FGGY: variants seen among roughly 807,000 people sequenced by gnomAD.
FGGY encodes the protein FGGY carbohydrate kinase domain-containing protein.
A neutral mutation model predicts 71.3 loss-of-function variants in FGGY; 72 were observed. The ratio of observed to expected loss-of-function variants is 1.01; its 90% confidence interval spans 0.84 to 1.23. FGGY has a LOEUF of 1.23. Among genes scored for constraint, FGGY ranks in the 50% most tolerant of loss-of-function variants. The probability of loss-of-function intolerance (pLI) is 0.00; values close to 1 mark genes in which losing one functional copy is unlikely to be tolerated. For synonymous variants in FGGY, 251 were observed against 250.3 expected (o/e 1.00, Z -0.02); for missense variants, 668 against 682.3 (o/e 0.98, Z 0.23).
chr1:59,533,187 T>A (rs897908025), intron 7 of FGGY, among the ~76,000 whole-genome samples: 1 of 152,226 alleles, frequency 6.6e-6, no homozygotes, highest in Non-Finnish European at 1.5e-5. Flanking sequence ...AGGCATTGCC[T>A]CACTCGGGAA....
chr1:59,411,505 T>C (rs1458215701), intron 5 of FGGY, among the ~76,000 whole-genome samples: 1 of 152,252 alleles, frequency 6.6e-6, no homozygotes, highest in Non-Finnish European at 1.5e-5. Flanking sequence ...ATGCTTCTTA[T>C]ACCTTTGTCC....
intron 7 of FGGY, among the ~76,000 whole-genome samples, chr1:59,520,945 G>T (rs991581249): frequency 1.3e-5 from 2 of 150,094 alleles, no homozygotes; most frequent in African/African-American, 2.4e-5. Context: ...CAGGCCAGGC[G>T]CTGGCCAAAA....
chr1:59,466,967 A>G (rs1208910503), intron 6 of FGGY, among the ~76,000 whole-genome samples: 2 of 152,194 alleles, frequency 1.3e-5, no homozygotes, highest in Non-Finnish European at 2.9e-5. Context: ...ATCCAGAACT[A>G]GAAATACCAT....
intron 5 of FGGY, among the ~76,000 whole-genome samples, chr1:59,432,389 G>T (rs2067561725): frequency 6.6e-6 from 1 of 152,206 alleles, no homozygotes; most frequent in Admixed American, 6.5e-5. Context: ...TCAGTCAGAA[G>T]TATGGAAGGC....
chr1:59,349,314 A>G (rs2052766919), intron 4 of FGGY, among the ~76,000 whole-genome samples: 2 of 152,170 alleles, frequency 1.3e-5, no homozygotes, highest in South Asian at 4.1e-4. Flanking sequence ...TGCTATATCA[A>G]CAAGTTTGGA....
At chr1:59,461,914 G>A (rs1042928955) in intron 6 of FGGY, among the ~76,000 whole-genome samples, 7 of 151,832 alleles carry the variant, frequency 4.6e-5, no homozygotes, top group Non-Finnish European at 1.0e-4. Flanking sequence ...CCATGCTGGT[G>A]TGCTGCACCC....
intron 6 of FGGY, among the ~76,000 whole-genome samples, chr1:59,473,609 A>G (rs1428779954): frequency 6.6e-6 from 1 of 152,314 alleles, no homozygotes; most frequent in East Asian, 1.9e-4. Context: ...TGGCCAGAGC[A>G]TAGTGGACCT....
At chr1:59,609,117 T>C (rs1298514873) in intron 9 of FGGY, among the ~76,000 whole-genome samples, 1 of 152,168 alleles carries the variant, frequency 6.6e-6, no homozygotes, top group Non-Finnish European at 1.5e-5. Context: ...GATAGTCTAC[T>C]TGGTAGGAAA....
chr1:59,506,296 T>C (rs1208240346), intron 6 of FGGY, among the ~76,000 whole-genome samples: 1 of 151,774 alleles, frequency 6.6e-6, no homozygotes, highest in African/African-American at 2.4e-5. Flanking sequence ...AATTCTAGGG[T>C]TTTTCTGGAA....
Position 59,346,289 on chromosome 1 carries a change from C to A in FGGY, c.356C>A (p.Ala119Glu). Residue 119 changes from alanine to glutamate, a missense_variant, in exon 4 of 16, where the codon GCA becomes GAA. Physicochemically the swap from Ala to Glu is moderately radical, Grantham distance 107. Transcript: ENST00000303721. ...GTCATCATGTGGCTGGACCATCGAG[C>A]AGTCAGTCAAGTTAACAGGATCAAT... ...RNVIMWLDHR[A>E]VSQVNRINET... The A allele has an allele frequency of 1.9e-6, 3 of 1,612,700 alleles. No individual in the cohort carries two copies. Among genetic ancestry groups the A allele is most frequent in the Non-Finnish European group, 2.5e-6 (3 of 1,179,740 alleles).
Position 59,345,659 on chromosome 1 carries a change from C to A in FGGY, c.314-588C>A, listed in dbSNP as rs186648350. Among the ~76,000 whole-genome samples the A allele has an allele frequency of 2.4e-3, 371 of 151,942 alleles. 3 individuals carry two copies. Among genetic ancestry groups the A allele is most frequent in the African/African-American group, 8.6e-3 (356 of 41,428 alleles). On this transcript the variant is annotated intron_variant, in intron 3 of 15. Coordinates refer to ENST00000303721, the MANE Select transcript of FGGY (RefSeq NM_018291.5). ...CTGTAACTAGCATTCCCTGTTAGAT[C>A]TGCCTAATTCCAAAACCCATGAGCT...
At chr1:59,708,922 A>G (rs72666298) in intron 14 of FGGY, among the ~76,000 whole-genome samples, 16,587 of 152,274 alleles carry the variant, frequency 0.11, 1,314 homozygotes, top group Admixed American at 0.23. Flanking sequence ...TTTAATACAA[A>G]CATTCAAAAA....
intron 15 of FGGY, among the ~76,000 whole-genome samples, chr1:59,759,554 CAG>C (rs1359186572): frequency 1.3e-5 from 2 of 152,218 alleles, no homozygotes; most frequent in South Asian, 2.1e-4. Flanking sequence ...CCCACGTGTT[CAG>C]AGAGTCCTCC....
At chr1:59,447,380 T>C (rs574590685) in intron 5 of FGGY, among the ~76,000 whole-genome samples, 1 of 152,250 alleles carries the variant, frequency 6.6e-6, no homozygotes, top group East Asian at 1.9e-4. Flanking sequence ...CAGCCAAAGC[T>C]CTGGGAGCTG....
intron 1 of FGGY, among the ~76,000 whole-genome samples, chr1:59,299,685 A>G (rs1196831135): frequency 8.7e-6 from 1 of 115,598 alleles, no homozygotes; most frequent in Non-Finnish European, 1.6e-5. Flanking sequence ...GTGAGCGCAC[A>G]CCTGGACAAG....
At chr1:59,421,110 G>C (rs1282522540) in intron 5 of FGGY, among the ~76,000 whole-genome samples, 1 of 152,180 alleles carries the variant, frequency 6.6e-6, no homozygotes, top group East Asian at 1.9e-4. Context: ...AGGTGGACCA[G>C]TTTCTTTGAT....
intron 2 of FGGY, among the ~76,000 whole-genome samples, chr1:59,325,537 C>G (rs997737866): frequency 6.6e-6 from 1 of 152,150 alleles, no homozygotes; most frequent in Admixed American, 6.5e-5. Flanking sequence ...AGATCACTTT[C>G]TACTCCTTAT....
At chr1:59,442,926 G>T (rs1316671194) in intron 5 of FGGY, among the ~76,000 whole-genome samples, 1 of 152,182 alleles carries the variant, frequency 6.6e-6, no homozygotes, top group East Asian at 1.9e-4. Flanking sequence ...GATAAGATCT[G>T]CTAAATATTC....
chr1:59,451,042 TG>T (rs1288773087), intron 5 of FGGY, among the ~76,000 whole-genome samples: 1 of 152,098 alleles, frequency 6.6e-6, no homozygotes, highest in African/African-American at 2.4e-5. Flanking sequence ...TGACCTTATT[TG>T]TTCCATCTTA....
Sources: gnomAD v4.1 joint callset for allele counts (sites outside exome capture counted in the v4.1 genomes callset) on GRCh38, gnomAD v4.1.1 for gene constraint, MANE v1.5 for transcripts, NCBI Gene and HGNC (gene_info 2026-07-23, HGNC 2026-07-21) for gene names.